The following TBC1D30 variants were observed in gnomAD, a reference collection of about 807,000 sequenced individuals.
The protein encoded by TBC1D30 is TBC1 domain family member 30.
In TBC1D30, 31 loss-of-function variants were observed where a neutral mutation model predicts 63.2. The ratio of observed to expected loss-of-function variants is 0.49; its 90% CI spans 0.37 to 0.66. The LOEUF (loss-of-function observed/expected upper bound fraction) is 0.66, where lower values mean the gene tolerates loss of function less well. Ranked by LOEUF, TBC1D30 falls within the 30% of genes least tolerant of loss-of-function variation. TBC1D30 has a pLI of 0.00. For missense variants in TBC1D30, 810 were observed against 953.6 expected (o/e 0.85, Z 1.98); for synonymous variants, 307 against 361.5 (o/e 0.85, Z 1.71).
In TBC1D30 at chr12:64,845,070, G is replaced by A. The variant is rs371204685; in HGVS notation, c.1038+1585G>A. 5.9e-5 allele frequency among the ~76,000 whole-genome samples: 9 copies of A among 152,166 alleles called. No individual in the cohort carries two copies. The East Asian group carries it at 1.5e-3, about 26-fold the overall frequency. ...TCTTGGCTATTGTGAACAGTGCTGC[G>A]AGAAACATGGGAGTGCAGATACTGT... is the stretch of plus-strand genomic sequence containing the variant. On this transcript the variant is annotated intron_variant, in intron 8 of 11. Coordinates refer to ENST00000539867, the MANE Select transcript of TBC1D30 (RefSeq NM_015279.2).
intron 8 of TBC1D30, among the ~76,000 whole-genome samples, 199 bp downstream of exon 8, chr12:64,843,684 G>T (rs1430469045): frequency 6.6e-6 from 1 of 152,252 alleles, no homozygotes; most frequent in Non-Finnish European, 1.5e-5. Flanking sequence ...GATATTTGTT[G>T]TAGCTTTCTG....
chr12:64,854,803 G>T (rs377570465), intron 8 of TBC1D30, among the ~76,000 whole-genome samples: 4 of 152,086 alleles, frequency 2.6e-5, no homozygotes. Context: ...CCATCATTTA[G>T]TCTTTCTACT....
rs187875138 is a variant in TBC1D30, at chr12:64,865,659, C to T, written c.1151+879C>T. Among the ~76,000 whole-genome samples, 26 of 152,182 alleles carry T rather than the reference C, an allele frequency of 1.7e-4. No individual in the cohort carries two copies. In the East Asian group the frequency reaches 2.7e-3, roughly 16 times the overall value. On this transcript the variant is annotated intron_variant, in intron 9 of 11. Coordinates refer to ENST00000539867, the MANE Select transcript of TBC1D30 (RefSeq NM_015279.2). ...TCACTTGAGGCCAGGAATTCGAGAC[C>T]AGCCTGGGCAACGTAGCAAGACCCT...
At chr12:64,851,185 C>T (rs937761136) in intron 8 of TBC1D30, among the ~76,000 whole-genome samples, 5 of 151,906 alleles carry the variant, frequency 3.3e-5, no homozygotes, top group Admixed American at 1.3e-4. Context: ...GTCTGGCTAG[C>T]GGTCTGTCTA....
chr12:64,861,944 G>A (rs942029869), intron 8 of TBC1D30, among the ~76,000 whole-genome samples: 4 of 152,148 alleles, frequency 2.6e-5, no homozygotes, highest in African/African-American at 7.2e-5. Flanking sequence ...TTCAATACAA[G>A]GATCATGTTT....
rs562311387 is a variant in TBC1D30 at position 64,860,327 on chromosome 12, T to A, written c.1039-4341T>A. ...GCCACCATGCTTGGCTAATTTTTTT[T>A]AATGTATTTTAGAGATGGAATTTTG... is the stretch of plus-strand genomic sequence containing the variant. On this transcript the variant is annotated intron_variant, in intron 8 of 11. Transcript: ENST00000539867. Among the ~76,000 whole-genome samples, 19 of 152,208 alleles carry A rather than the reference T, an allele frequency of 1.2e-4. No individual in the cohort carries two copies. In the South Asian group the frequency reaches 3.3e-3, roughly 27 times the overall value.
chr12:64,823,421 C>A (rs907609824), upstream of TBC1D30, among the ~76,000 whole-genome samples: 1 of 152,024 alleles, frequency 6.6e-6, no homozygotes, highest in Non-Finnish European at 1.5e-5. Flanking sequence ...TGATTTGTTT[C>A]CATTAATTTT....
At chr12:64,869,316 T>G (rs1444459007) in intron 10 of TBC1D30, among the ~76,000 whole-genome samples, 1 of 152,202 alleles carries the variant, frequency 6.6e-6, no homozygotes, top group Non-Finnish European at 1.5e-5. Flanking sequence ...TGCTGCTACT[T>G]CTAACTTTTG....
intron 8 of TBC1D30, among the ~76,000 whole-genome samples, chr12:64,849,062 A>G (rs1229826743): frequency 6.6e-6 from 1 of 152,204 alleles, no homozygotes; most frequent in East Asian, 1.9e-4. Context: ...TGTTGGCTGC[A>G]TAAGTGTCTT....
At position 64,765,185 on chromosome 12, in the gene TBC1D30, C is replaced by T. The variant is rs116284377; in HGVS notation, c.-376+5536C>T. 4.5e-3 allele frequency among the ~76,000 whole-genome samples: 685 copies of T among 152,136 alleles called. 3 individuals are homozygous for T. Among genetic ancestry groups the T allele is most frequent in the African/African-American group, 0.016 (663 of 41,504 alleles). On this transcript the variant is annotated intron_variant, in intron 1 of 13. Transcript: ENST00000674237. ...ACAATATGAAATTCACAATGTCCTG[C>T]GTTGAATAAGAAAATTACTACACAG...
intron 1 of TBC1D30, among the ~76,000 whole-genome samples, chr12:64,782,213 A>G (rs961541104): frequency 6.6e-6 from 1 of 151,942 alleles, no homozygotes; most frequent in African/African-American, 2.4e-5. Context: ...CCGAGCCACC[A>G]TAACATTTCT....
chr12:64,814,693 T>A (rs1198005275), intron 2 of TBC1D30, among the ~76,000 whole-genome samples: 1 of 152,206 alleles, frequency 6.6e-6, no homozygotes, highest in Non-Finnish European at 1.5e-5. Context: ...TTAACAGTGC[T>A]GGCACTGCTA....
chr12:64,863,853 T>TTTCCTAGC, intron 8 of TBC1D30, among the ~76,000 whole-genome samples: 1 of 152,262 alleles, frequency 6.6e-6, no homozygotes. Context: ...ATTATCAGGC[T>TTTCCTAGC]ATTTCTTTGG....
chr12:64,843,555 C>G (rs755187775), intron 8 of TBC1D30, 70 bp downstream of exon 8: 378 of 1,183,134 alleles, frequency 3.2e-4, no homozygotes, highest in Non-Finnish European at 4.4e-4. Flanking sequence ...AGTGCCAGAG[C>G]AGCGGTCTTG....
upstream of TBC1D30, among the ~76,000 whole-genome samples, chr12:64,823,350 A>G (rs888003870): frequency 1.1e-4 from 16 of 152,324 alleles, no homozygotes; most frequent in African/African-American, 3.4e-4. Context: ...TTCTATGTCA[A>G]CTTAAGAGAG....
At chr12:64,781,147 C>G in exon 1 of TBC1D30, 2 of 1,010,292 alleles carry the variant, frequency 2.0e-6, no homozygotes, top group South Asian at 3.9e-5. Context: ...GGCGCCGCGA[C>G]AGCCTCGACA....
At chr12:64,785,003 T>C (rs924666831) in intron 1 of TBC1D30, among the ~76,000 whole-genome samples, 1 of 152,214 alleles carries the variant, frequency 6.6e-6, no homozygotes, top group Non-Finnish European at 1.5e-5. Context: ...ATATTGTACC[T>C]CTAAGACAAA....
chr12:64,803,347 T>G (rs1315322215), intron 2 of TBC1D30, among the ~76,000 whole-genome samples: 17 of 152,226 alleles, frequency 1.1e-4, no homozygotes, highest in Non-Finnish European at 2.4e-4. Context: ...TGGGGTTGTT[T>G]GATTTTTTTC....
intron 8 of TBC1D30, 48 bp downstream of exon 8, chr12:64,843,533 G>A (rs954095104): frequency 7.0e-7 from 1 of 1,437,570 alleles, no homozygotes; most frequent in African/African-American, 1.4e-5. Context: ...CCCGGGCACG[G>A]TGGGAACAAC....
Sources: allele counts gnomAD v4.1 joint callset (sites outside exome capture counted in the v4.1 genomes callset), GRCh38; gene constraint gnomAD v4.1.1; transcripts MANE v1.5; gene names NCBI Gene and HGNC (gene_info 2026-07-23, HGNC 2026-07-21).